FSIP1: variants seen among roughly 807,000 people sequenced by gnomAD.
FSIP1 encodes fibrous sheath interacting protein 1, also known as fibrous sheath-interacting protein 1.
A neutral mutation model predicts 60.9 loss-of-function variants in FSIP1; 65 were observed. That is an observed-to-expected ratio of 1.07 (90% CI 0.87 to 1.31). FSIP1 has a LOEUF of 1.31. Ranked by LOEUF, FSIP1 falls within the 40% of genes most tolerant of loss-of-function variation. The pLI is 0.00. For missense variants in FSIP1, 675 were observed against 665.5 expected (o/e 1.01, Z -0.16); for synonymous variants, 209 against 221.2 (o/e 0.94, Z 0.49).
chr15:39,663,903 A>T (rs1033023242), intron 10 of FSIP1, among the ~76,000 whole-genome samples: 1 of 152,256 alleles, frequency 6.6e-6, no homozygotes, highest in African/African-American at 2.4e-5. Flanking sequence ...TGTGCAATGG[A>T]ATGTAACAAA....
chr15:39,776,159 G>C (rs956426056), intron 2 of FSIP1, among the ~76,000 whole-genome samples: 2 of 121,976 alleles, frequency 1.6e-5, no homozygotes, highest in African/African-American at 6.0e-5. Flanking sequence ...CAGAGGGAGG[G>C]GAGGAGCAGA....
chr15:39,761,391 T>G (rs953435428), intron 5 of FSIP1, among the ~76,000 whole-genome samples: 1 of 152,170 alleles, frequency 6.6e-6, no homozygotes, highest in Non-Finnish European at 1.5e-5. Flanking sequence ...TTTTCAGTCT[T>G]TAAAAAGAAG....
At chr15:39,766,165 G>T (rs1347567776) in intron 3 of FSIP1, among the ~76,000 whole-genome samples, 2 of 152,162 alleles carry the variant, frequency 1.3e-5, no homozygotes, top group Non-Finnish European at 2.9e-5. Context: ...AAGAGAAGGC[G>T]TGTACACAAA....
intron 5 of FSIP1, among the ~76,000 whole-genome samples, chr15:39,753,104 T>C (rs1324931668): frequency 6.6e-6 from 1 of 152,132 alleles, no homozygotes; most frequent in Non-Finnish European, 1.5e-5. Flanking sequence ...CTTAGTGACA[T>C]GGATGCATTG....
chr15:39,672,974 G>A (rs551408291), intron 10 of FSIP1, among the ~76,000 whole-genome samples: 7 of 152,212 alleles, frequency 4.6e-5, no homozygotes, highest in South Asian at 2.1e-4. Flanking sequence ...AGAACATTCC[G>A]CACAAAGTGT....
rs368009583 is a variant in FSIP1 at position 39,602,737 on chromosome 15, AC to A, written c.1700-1812del. ...TCACTATGGAGTGTTCTTTTTGCCCACCCAGCAAATAACCATTCATCCTTGG... is the reference window on the plus strand; with the variant it reads ...TCACTATGGAGTGTTCTTTTTGCCCACCAGCAAATAACCATTCATCCTTGG... On this transcript the variant is annotated intron_variant, in intron 11 of 11. Coordinates refer to ENST00000350221, the MANE Select transcript of FSIP1 (RefSeq NM_152597.5). 2.7e-4 allele frequency among the ~76,000 whole-genome samples: 41 copies of A among 152,252 alleles called. No individual in the cohort carries two copies. The East Asian group carries it at 7.3e-3, about 27-fold the overall frequency.
chr15:39,697,066 CCAAAAGCT>C (rs1894852091), intron 10 of FSIP1, among the ~76,000 whole-genome samples: 1 of 151,898 alleles, frequency 6.6e-6, no homozygotes, highest in Non-Finnish European at 1.5e-5. Flanking sequence ...CTGAATGCCC[CCAAAAGCT>C]ATTTTCACTA....
chr15:39,653,180 A>AC (rs1042852815), intron 10 of FSIP1, among the ~76,000 whole-genome samples: 1 of 151,450 alleles, frequency 6.6e-6, no homozygotes, highest in African/African-American at 2.4e-5. Context: ...TGTCTCAAAA[A>AC]AAAAAAAAAA....
intron 1 of FSIP1, among the ~76,000 whole-genome samples, chr15:39,781,973 C>G (rs1286324662): frequency 6.6e-6 from 1 of 152,174 alleles, no homozygotes; most frequent in Non-Finnish European, 1.5e-5. Flanking sequence ...TAAGTTATAC[C>G]TCAATTTTAA....
At chr15:39,702,137 C>T (rs918941771) in intron 10 of FSIP1, among the ~76,000 whole-genome samples, 1 of 152,024 alleles carries the variant, frequency 6.6e-6, no homozygotes, top group African/African-American at 2.4e-5. Flanking sequence ...CCACCATGCC[C>T]TCTCCAGAGC....
At chr15:39,692,954 G>A (rs891351879) in intron 10 of FSIP1, among the ~76,000 whole-genome samples, 3 of 152,170 alleles carry the variant, frequency 2.0e-5, no homozygotes, top group African/African-American at 7.2e-5. Context: ...AGGCAGAAGG[G>A]GCTGAGTTGC....
chr15:39,722,149 A>G (rs1896006144), intron 9 of FSIP1, among the ~76,000 whole-genome samples: 1 of 152,070 alleles, frequency 6.6e-6, no homozygotes, highest in Admixed American at 6.6e-5. Flanking sequence ...TTCTCACAGT[A>G]GTGTGAACCC....
intron 10 of FSIP1, among the ~76,000 whole-genome samples, chr15:39,632,808 T>C (rs777284838): frequency 2.0e-4 from 31 of 151,890 alleles, no homozygotes; most frequent in Non-Finnish European, 2.6e-4. Context: ...AATAAATAAA[T>C]AACTGTCTTT....
intron 5 of FSIP1, among the ~76,000 whole-genome samples, chr15:39,743,134 A>G (rs1317474865): frequency 6.6e-6 from 1 of 152,206 alleles, no homozygotes; most frequent in Non-Finnish European, 1.5e-5. Flanking sequence ...CTTTATGATA[A>G]CAGTTTACTC....
At chr15:39,659,533 C>A (rs1409607543) in intron 10 of FSIP1, among the ~76,000 whole-genome samples, 1 of 146,300 alleles carries the variant, frequency 6.8e-6, no homozygotes, top group Non-Finnish European at 1.5e-5. Flanking sequence ...CAGAGCAAGA[C>A]TCCTCCTCAA....
chr15:39,728,980 A>G (rs890243514), intron 8 of FSIP1, among the ~76,000 whole-genome samples: 11 of 152,230 alleles, frequency 7.2e-5, no homozygotes, highest in African/African-American at 2.7e-4. Flanking sequence ...GCCAACAAGC[A>G]TATGAAAAAA....
intron 11 of FSIP1, among the ~76,000 whole-genome samples, chr15:39,601,679 A>C (rs1595520444): frequency 6.6e-6 from 1 of 152,374 alleles, no homozygotes; most frequent in African/African-American, 2.4e-5. Context: ...ATGGATAAGC[A>C]AAATGTGATA....
intron 10 of FSIP1, among the ~76,000 whole-genome samples, chr15:39,633,078 A>G (rs560197459): frequency 2.0e-4 from 29 of 145,952 alleles, no homozygotes; most frequent in Middle Eastern, 3.5e-3. Context: ...TCTTCCCCAC[A>G]TAGGCTATAC....
chr15:39,682,080 T>C (rs1266784663), intron 10 of FSIP1, among the ~76,000 whole-genome samples: 1 of 152,204 alleles, frequency 6.6e-6, no homozygotes, highest in Non-Finnish European at 1.5e-5. Flanking sequence ...ATGCATATTA[T>C]ATAGAAATGC....
Sources: allele counts gnomAD v4.1 joint callset (sites outside exome capture counted in the v4.1 genomes callset), GRCh38; gene constraint gnomAD v4.1.1; transcripts MANE v1.5; gene names NCBI Gene and HGNC (gene_info 2026-07-23, HGNC 2026-07-21).